The following PLPPR1 variants were observed in gnomAD, a reference collection of about 807,000 sequenced individuals.
The protein encoded by PLPPR1 is phospholipid phosphatase related 1, also known as phospholipid phosphatase-related protein type 1.
Under a neutral mutation model 33.1 loss-of-function variants are expected in PLPPR1, and 10 were observed. The ratio of observed to expected loss-of-function variants is 0.30; its 90% CI spans 0.19 to 0.51. PLPPR1 has a LOEUF of 0.51. Ranked by LOEUF, PLPPR1 falls within the 20% of genes least tolerant of loss-of-function variation. The pLI is 0.97. For synonymous variants in PLPPR1, 151 were observed against 151.0 expected, an observed-to-expected ratio of 1.00 and a Z score of 0.00; for missense variants, 304 against 408.1, an observed-to-expected ratio of 0.74 and a Z score of 2.20.
chr9:101,135,577 A>G (rs1344035602), intron 1 of PLPPR1, among the ~76,000 whole-genome samples: 2 of 152,170 alleles, frequency 1.3e-5, no homozygotes, highest in Non-Finnish European at 2.9e-5. Flanking sequence ...TGAGGCTCTC[A>G]GGATTGCTCT....
At chr9:101,166,990 C>T (rs959306994) in intron 1 of PLPPR1, among the ~76,000 whole-genome samples, 9 of 146,266 alleles carry the variant, frequency 6.2e-5, no homozygotes, top group African/African-American at 1.3e-4. Context: ...GTTACCCTGT[C>T]GCTAGGGCAT....
chr9:101,122,689 T>C (rs1016538723), intron 1 of PLPPR1, among the ~76,000 whole-genome samples: 1 of 152,212 alleles, frequency 6.6e-6, no homozygotes, highest in African/African-American at 2.4e-5. Context: ...AAATTTATTG[T>C]GAAATAAATG....
At chr9:101,167,143 T>G (rs187325968) in intron 1 of PLPPR1, among the ~76,000 whole-genome samples, 25 of 43,108 alleles carry the variant, frequency 5.8e-4, no homozygotes, top group South Asian at 1.2e-3. Context: ...TGTCTCTCGG[T>G]GTGTGTGTGT....
At position 101,312,891 on chromosome 9, in the gene PLPPR1, C is replaced by T. The variant is rs1828983699; in HGVS notation, c.730C>T (p.Leu244Phe). The T allele has an allele frequency of 5.6e-6, 9 of 1,614,034 alleles. No homozygotes were observed. The highest frequency in any genetic ancestry group is 7.6e-6 in the Non-Finnish European group (9 of 1,180,040). ...GTLCTAFLTG[L>F]NRVSEYRNHC... ...TCTCTGCACAGCCTTCCTGACAGGC[C>T]TCAACCGGGTCTCTGAGTATCGGAA... The change falls in exon 6 of 8, where the codon CTC (leucine) becomes TTC (phenylalanine). Residue 244 changes from leucine to phenylalanine, a missense_variant. Leu to Phe is a conservative substitution (Grantham distance 22, BLOSUM62 0). Transcript: ENST00000374874.
intron 2 of PLPPR1, chr9:101,187,662 C>T (rs150184837): frequency 1.3e-3 from 193 of 151,948 alleles, no homozygotes; most frequent in African/African-American, 4.4e-3. Context: ...TATATTATTC[C>T]AGGTACTATA....
chr9:101,068,198 A>G (rs1830442493), intron 1 of PLPPR1, among the ~76,000 whole-genome samples: 1 of 152,130 alleles, frequency 6.6e-6, no homozygotes, highest in African/African-American at 2.4e-5. Flanking sequence ...TAATTATACT[A>G]ATGACATTAC....
At chr9:101,304,486 A>T (rs933717096) in intron 4 of PLPPR1, among the ~76,000 whole-genome samples, 3 of 152,218 alleles carry the variant, frequency 2.0e-5, no homozygotes, top group Non-Finnish European at 4.4e-5. Context: ...AACAATTCTA[A>T]TGTGACAGAT....
At chr9:101,148,587 T>C (rs1192384854) in intron 1 of PLPPR1, among the ~76,000 whole-genome samples, 2 of 152,204 alleles carry the variant, frequency 1.3e-5, no homozygotes, top group Non-Finnish European at 2.9e-5. Flanking sequence ...CCATTAGCAT[T>C]GTAAATAGCC....
intron 2 of PLPPR1, among the ~76,000 whole-genome samples, chr9:101,229,230 A>C (rs1405420719): frequency 6.6e-6 from 1 of 152,156 alleles, no homozygotes; most frequent in Non-Finnish European, 1.5e-5. Flanking sequence ...AAAGAAAAAC[A>C]GTGCAGTGTG....
rs1830356086 is a variant in PLPPR1 at position 101,062,176 on chromosome 9, GTGTGTGTGTGTGTA to G, written c.-46+33078_-46+33091del. The stretch of plus-strand genomic sequence containing the variant: ...TGTGTGTGTGTGTGTGTGTGTGTGT[GTGTGTGTGTGTGTA>G]TGTTTTCCTTCACAAACCTGAGCAT... On this transcript the variant is annotated intron_variant, in intron 1 of 7. Coordinates refer to ENST00000374874, the MANE Select transcript of PLPPR1 (RefSeq NM_207299.2). 7.5e-5 allele frequency among the ~76,000 whole-genome samples: 7 copies of G among 93,470 alleles called. No homozygotes were observed. In the South Asian group the frequency reaches 2.3e-3, roughly 31 times the overall value. The allele number at this position is 93,470 out of a possible 152,430, so 61.3% of individuals were successfully genotyped here.
At chr9:101,030,403 ATTC>A (rs781331578) in intron 1 of PLPPR1, among the ~76,000 whole-genome samples, 3 of 151,008 alleles carry the variant, frequency 2.0e-5, no homozygotes, top group Non-Finnish European at 2.9e-5. Context: ...GGCAGCTCCT[ATTC>A]TTCTGGTGGG....
chr9:101,236,132 A>G (rs568656917), intron 2 of PLPPR1, among the ~76,000 whole-genome samples: 1 of 151,840 alleles, frequency 6.6e-6, no homozygotes, highest in East Asian at 1.9e-4. Flanking sequence ...GCCTTCTAGT[A>G]TTCTCTCCAT....
At chr9:101,101,537 A>T (rs1830900243) in intron 1 of PLPPR1, among the ~76,000 whole-genome samples, 1 of 148,288 alleles carries the variant, frequency 6.7e-6, no homozygotes, top group African/African-American at 2.5e-5. Context: ...AAAAAAAAAG[A>T]AACAATAACA....
At chr9:101,096,245 G>T (rs929914359) in intron 1 of PLPPR1, among the ~76,000 whole-genome samples, 1 of 152,162 alleles carries the variant, frequency 6.6e-6, no homozygotes, top group African/African-American at 2.4e-5. Flanking sequence ...GGGCCTGGGG[G>T]CCATAGAGGA....
chr9:101,254,850 C>A (rs1448514602), intron 2 of PLPPR1, among the ~76,000 whole-genome samples: 1 of 152,094 alleles, frequency 6.6e-6, no homozygotes, highest in Non-Finnish European at 1.5e-5. Context: ...GTATTGACAA[C>A]CTTATGTCTT....
intron 2 of PLPPR1, among the ~76,000 whole-genome samples, chr9:101,210,153 G>A (rs1387692932): frequency 6.6e-6 from 1 of 152,228 alleles, no homozygotes; most frequent in African/African-American, 2.4e-5. Context: ...ATAGTGGCTA[G>A]TGCTGCAGTA....
chr9:101,324,002 A>G (rs1829204573), intron 7 of PLPPR1, 23 bp from the exon 8 acceptor site: 1 of 1,610,524 alleles, frequency 6.2e-7, no homozygotes, highest in South Asian at 1.1e-5. Context: ...CTCAGATTTT[A>G]TCTGCTTGTG....
At chr9:101,031,584 A>G (rs1262353423) in intron 1 of PLPPR1, among the ~76,000 whole-genome samples, 4 of 152,212 alleles carry the variant, frequency 2.6e-5, no homozygotes, top group Non-Finnish European at 5.9e-5. Context: ...AAAAAAAGAT[A>G]AGAAAGTAAA....
At chr9:101,089,415 A>G (rs933059777) in intron 1 of PLPPR1, among the ~76,000 whole-genome samples, 6 of 152,176 alleles carry the variant, frequency 3.9e-5, no homozygotes, top group African/African-American at 1.2e-4. Context: ...TAGTATTCTC[A>G]TGATTATATT....
Sources: allele counts gnomAD v4.1 joint callset (sites outside exome capture counted in the v4.1 genomes callset), GRCh38; gene constraint gnomAD v4.1.1; transcripts MANE v1.5; gene names NCBI Gene and HGNC (gene_info 2026-07-23, HGNC 2026-07-21).